Variants in TANGO6 observed in about 807,000 individuals in gnomAD.
The protein encoded by TANGO6 is transport and Golgi organization protein 6 homolog.
TANGO6 carries 90 observed loss-of-function variants against 114.2 expected under a neutral mutation model. The ratio of observed to expected loss-of-function variants is 0.79; its 90% CI spans 0.66 to 0.94. The LOEUF is 0.94. TANGO6 is among the 40% of genes least tolerant of loss of function. TANGO6 has a pLI of 0.00. For missense variants in TANGO6, 1,274 were observed against 1,315.3 expected (o/e 0.97, Z 0.49); for synonymous variants, 477 against 509.8 (o/e 0.94, Z 0.87).
chr16:68,905,211 C>A (rs1962834003), intron 9 of TANGO6, among the ~76,000 whole-genome samples: 1 of 149,600 alleles, frequency 6.7e-6, no homozygotes. Flanking sequence ...GTCTGGGCAA[C>A]AAGAGTGGAA....
intron 1 of TANGO6, 122 bp downstream of exon 1, chr16:68,843,833 T>A (rs1961762207): frequency 1.1e-6 from 1 of 889,652 alleles, no homozygotes; most frequent in Non-Finnish European, 1.8e-6. Flanking sequence ...CTCCGCCCGC[T>A]GCTGGGGGCT....
intron 15 of TANGO6, among the ~76,000 whole-genome samples, chr16:68,994,068 T>G (rs376242970): frequency 6.6e-6 from 1 of 152,212 alleles, no homozygotes; most frequent in Non-Finnish European, 1.5e-5. Context: ...TAAGCCAATC[T>G]TGGAGTTCAA....
At chr16:69,078,634 C>T (rs1294881926) in intron 17 of TANGO6, among the ~76,000 whole-genome samples, 3 of 152,170 alleles carry the variant, frequency 2.0e-5, no homozygotes, top group Non-Finnish European at 2.9e-5. Context: ...CCCACTAGAC[C>T]AGAAGCCTTT....
chr16:68,962,043 T>G (rs1283285305), intron 14 of TANGO6, among the ~76,000 whole-genome samples: 1 of 152,188 alleles, frequency 6.6e-6, no homozygotes, highest in East Asian at 1.9e-4. Context: ...TAACAAAACT[T>G]TGGAGCTTTA....
chr16:68,863,276 CT>C (rs748417323), intron 3 of TANGO6: 5 of 359,892 alleles, frequency 1.4e-5, no homozygotes, highest in Non-Finnish European at 2.5e-5. Flanking sequence ...ATGATGGACA[CT>C]TTTCCCAAGA....
intron 14 of TANGO6, among the ~76,000 whole-genome samples, chr16:68,956,842 GTC>G (rs372483306): frequency 6.6e-6 from 1 of 152,036 alleles, no homozygotes; most frequent in African/African-American, 2.4e-5. Context: ...GACGGAGTAA[GTC>G]TCTGTCTCAA....
chr16:69,004,856 C>T (rs1292069292), intron 15 of TANGO6, among the ~76,000 whole-genome samples: 1 of 152,162 alleles, frequency 6.6e-6, no homozygotes, highest in African/African-American at 2.4e-5. Context: ...TGCAAATTCT[C>T]ACCTCCTGCA....
chr16:68,955,557 G>T (rs964055342), intron 14 of TANGO6, among the ~76,000 whole-genome samples: 3 of 152,206 alleles, frequency 2.0e-5, no homozygotes, highest in Non-Finnish European at 2.9e-5. Context: ...GAGACGATCA[G>T]TTGGGTCACT....
chr16:69,061,909 G>T (rs1402908516), intron 17 of TANGO6, among the ~76,000 whole-genome samples: 1 of 151,604 alleles, frequency 6.6e-6, no homozygotes, highest in Non-Finnish European at 1.5e-5. Context: ...GTCCCAGCTA[G>T]TCAGGAGGCT....
chr16:69,066,497 A>G (rs994527612), intron 17 of TANGO6, among the ~76,000 whole-genome samples: 1 of 151,876 alleles, frequency 6.6e-6, no homozygotes, highest in Non-Finnish European at 1.5e-5. Context: ...GGGTTTCACC[A>G]TGTTGGCCAG....
intron 17 of TANGO6, among the ~76,000 whole-genome samples, chr16:69,062,787 TAAAAA>T (rs35731381): frequency 0.027 from 3,123 of 113,722 alleles, 136 homozygotes; most frequent in African/African-American, 0.095. Flanking sequence ...AAAAGAAATT[TAAAAA>T]AAAAAAAAAA....
intron 15 of TANGO6, among the ~76,000 whole-genome samples, chr16:68,976,165 C>T (rs1322748210): frequency 3.3e-5 from 5 of 152,090 alleles, no homozygotes; most frequent in African/African-American, 9.7e-5. Context: ...AACTCCTGGC[C>T]TCAAGCAGTC....
chr16:69,078,287 C>A (rs1162290460), intron 17 of TANGO6, among the ~76,000 whole-genome samples: 2 of 152,230 alleles, frequency 1.3e-5, no homozygotes, highest in Non-Finnish European at 2.9e-5. Context: ...TTTCCCCTGA[C>A]TTCCTGCCTT....
chr16:68,909,255 T>C lies in TANGO6; in HGVS notation c.1845T>C (p.Thr615=), dbSNP rs374961874. ...CGGAAAATGAAACAGAGTTAAAAACTGAGCCCTTCTCCAGCAAGAGCCTCT... is the reference window on the plus strand; with the variant it reads ...CGGAAAATGAAACAGAGTTAAAAACCGAGCCCTTCTCCAGCAAGAGCCTCT... ...VASENETELK[T]EPFSSKSLLE... Residue 615 remains threonine, a synonymous_variant, in exon 11 of 18, where the codon ACT becomes ACC. Coordinates refer to ENST00000261778, the MANE Select transcript of TANGO6 (RefSeq NM_024562.2). The C allele has an allele frequency of 6.2e-7, 1 of 1,604,664 alleles. No homozygotes were observed. The highest frequency in any genetic ancestry group is 1.3e-5 in the African/African-American group (1 of 74,498).
At chr16:69,048,258 A>ATTTTT (rs71383949) in intron 17 of TANGO6, among the ~76,000 whole-genome samples, 114 of 111,626 alleles carry the variant, frequency 1.0e-3, no homozygotes, top group African/African-American at 2.1e-3. Context: ...AATTTTTTGT[A>ATTTTT]TTTTTTTTTT....
intron 15 of TANGO6, among the ~76,000 whole-genome samples, chr16:68,995,291 G>A (rs935154122): frequency 2.7e-4 from 41 of 152,324 alleles, no homozygotes; most frequent in African/African-American, 9.9e-4. Context: ...AATGAAGAAA[G>A]CAGCAGATCA....
At chr16:68,982,070 T>C (rs1255944289) in intron 15 of TANGO6, among the ~76,000 whole-genome samples, 1 of 152,152 alleles carries the variant, frequency 6.6e-6, no homozygotes, top group East Asian at 1.9e-4. Flanking sequence ...CCAGGCATCA[T>C]AAAATGCACA....
intron 17 of TANGO6, among the ~76,000 whole-genome samples, chr16:69,063,722 C>G (rs1960166538): frequency 7.2e-6 from 1 of 138,628 alleles, no homozygotes; most frequent in African/African-American, 2.6e-5. Context: ...GAATCATTAA[C>G]TAGAATGATG....
chr16:69,072,026 C>CGTGT (rs58310609), intron 17 of TANGO6, among the ~76,000 whole-genome samples: 10,988 of 92,788 alleles, frequency 0.12, 1,081 homozygotes, highest in African/African-American at 0.19. Context: ...AGAGGGAGAC[C>CGTGT]GTGTGTGTGT....
Sources: gnomAD v4.1 joint callset for allele counts (sites outside exome capture counted in the v4.1 genomes callset) on GRCh38, gnomAD v4.1.1 for gene constraint, MANE v1.5 for transcripts, NCBI Gene and HGNC (gene_info 2026-07-23, HGNC 2026-07-21) for gene names.